Variants in EFR3B observed in about 807,000 individuals in gnomAD.
The protein encoded by EFR3B is protein EFR3 homolog B.
Under a neutral mutation model 104.7 loss-of-function variants are expected in EFR3B, and 64 were observed. That is an observed-to-expected ratio of 0.61 (90% CI 0.50 to 0.75). The LOEUF (loss-of-function observed/expected upper bound fraction) is 0.75. Among genes scored for constraint, EFR3B ranks in the 30% least tolerant of loss-of-function variants. The pLI is 0.00. For synonymous variants in EFR3B, 385 were observed against 417.9 expected, an observed-to-expected ratio of 0.92 and a Z score of 0.96; for missense variants, 750 against 1,078.5, an observed-to-expected ratio of 0.70 and a Z score of 4.27.
At chr2:25,151,236 C>G (rs1008656296) in intron 20 of EFR3B, among the ~76,000 whole-genome samples, 9 of 151,854 alleles carry the variant, frequency 5.9e-5, no homozygotes, top group African/African-American at 2.2e-4. Flanking sequence ...TGTGGCTTTA[C>G]CATTGTCAAT....
intron 1 of EFR3B, among the ~76,000 whole-genome samples, chr2:25,066,761 G>A (rs2149172230): frequency 6.6e-6 from 1 of 152,190 alleles, no homozygotes; most frequent in East Asian, 1.9e-4. Flanking sequence ...GATGCATTTT[G>A]TGTTGCATGC....
intron 1 of EFR3B, among the ~76,000 whole-genome samples, chr2:25,062,132 G>A (rs945493111): frequency 6.6e-6 from 1 of 152,150 alleles, no homozygotes; most frequent in Non-Finnish European, 1.5e-5. Flanking sequence ...AAGTGAGCAT[G>A]TATTTTTAAT....
At chr2:25,056,436 C>CTTT (rs5829958) in intron 1 of EFR3B, among the ~76,000 whole-genome samples, 21 of 140,944 alleles carry the variant, frequency 1.5e-4, no homozygotes, top group Middle Eastern at 3.6e-3. Context: ...ATTACTTGTG[C>CTTT]TTTTTTTTTT....
At position 25,156,440 on chromosome 2, in the gene EFR3B, GGCGTGCA is replaced by G. The variant is rs1671172758; in HGVS notation, c.*2101_*2107del. On this transcript the variant is annotated 3_prime_UTR_variant, in exon 23 of 23. Coordinates refer to ENST00000403714, the MANE Select transcript of EFR3B (RefSeq NM_014971.2). Reference sequence around the variant, plus strand: ...AGCCTCCTGAGTAGCTGGGATTACAGGCGTGCACCACCACGCCTGGCGAATTTTGTGT... The same window carrying G: ...AGCCTCCTGAGTAGCTGGGATTACAGCCACCACGCCTGGCGAATTTTGTGT... The G allele has an allele frequency of 6.6e-6, 1 of 152,122 alleles. No individual in the cohort carries two copies. Among genetic ancestry groups the G allele is most frequent in the Non-Finnish European group, 1.5e-5 (1 of 68,074 alleles). 9.4% of individuals were successfully genotyped at this position (152,122 alleles called of 1,614,324 possible).
rs1310293568 is a variant in EFR3B, at chr2:25,156,076, G to A, written c.*1736G>A. Reference sequence around the variant, plus strand: ...GGCCTCAGCTCATAGCCCCACGTGTGGTGTGCACGGATGTGCAGGGAGAGC... The same window carrying A: ...GGCCTCAGCTCATAGCCCCACGTGTAGTGTGCACGGATGTGCAGGGAGAGC... On this transcript the variant is annotated 3_prime_UTR_variant, in exon 23 of 23. Coordinates refer to ENST00000403714, the MANE Select transcript of EFR3B (RefSeq NM_014971.2). 1 of 152,134 alleles carries A rather than the reference G, an allele frequency of 6.6e-6. No homozygotes were observed. Among genetic ancestry groups the A allele is most frequent in the African/African-American group, 2.4e-5 (1 of 41,414 alleles). The allele number at this position is 152,134 out of a possible 1,614,324, so 9.4% of individuals were successfully genotyped here.
intron 3 of EFR3B, among the ~76,000 whole-genome samples, chr2:25,100,644 C>A (rs1248873958): frequency 6.6e-6 from 1 of 152,226 alleles, no homozygotes; most frequent in East Asian, 1.9e-4. Flanking sequence ...AGGCACCTGC[C>A]ACCGCGCCTG....
chr2:25,141,098 T>C (rs1670654446), intron 16 of EFR3B, among the ~76,000 whole-genome samples: 1 of 150,488 alleles, frequency 6.6e-6, no homozygotes, highest in African/African-American at 2.4e-5. Context: ...AGCTGCAGTC[T>C]CTTAAGAGTT....
chr2:25,054,441 C>T (rs1199624019), intron 1 of EFR3B, among the ~76,000 whole-genome samples: 1 of 151,950 alleles, frequency 6.6e-6, no homozygotes, highest in African/African-American at 2.4e-5. Context: ...CCTGCCCCAG[C>T]CTCCCAAGTA....
Position 25,091,391 on chromosome 2 carries a change from A to C in EFR3B, c.74A>C (p.Glu25Ala). ...AGGCTGGTTGACAACATCTTCCCTG[A>C]GGATCCCGAGGTGGGTCATGTCTCT... is the stretch of plus-strand genomic sequence containing the variant. ...YKRLVDNIFP[E>A]DPEDGLVKTN... Residue 25 changes from glutamate (E) to alanine (A), a missense_variant, in exon 2 of 23, where the codon GAG becomes GCG. Transcript: ENST00000403714. The C allele has an allele frequency of 1.3e-6, 2 of 1,549,552 alleles. No homozygotes were observed. Among genetic ancestry groups the C allele is most frequent in the Non-Finnish European group, 1.7e-6 (2 of 1,146,158 alleles).
At chr2:25,141,673 CG>C (rs1459249663) in intron 17 of EFR3B, among the ~76,000 whole-genome samples, 5 of 152,316 alleles carry the variant, frequency 3.3e-5, no homozygotes, top group African/African-American at 4.8e-5. Flanking sequence ...ACACAGCCTC[CG>C]GGGGCTTTGG....
Position 25,093,095 on chromosome 2 carries a change from G to C in EFR3B, c.177G>C (p.Glu59Asp), listed in dbSNP as rs371551570. 637 of 1,551,748 alleles carry C rather than the reference G, an allele frequency of 4.1e-4. No homozygotes were observed. The highest frequency in any genetic ancestry group is 5.2e-4 in the Non-Finnish European group (599 of 1,147,138). Residue 59 changes from glutamate to aspartate, a missense_variant, in exon 3 of 23, where the codon GAG becomes GAC. Glu to Asp is a conservative substitution (Grantham distance 45). Coordinates refer to ENST00000403714, the MANE Select transcript of EFR3B (RefSeq NM_014971.2). ...KLDRIGAYLS[E>D]RLIRDVGRHR... ...ATCGTATTGGCGCCTACCTCTCTGA[G>C]AGGCTCATCCGTGACGTGGGTCGCC...
chr2:25,086,572 G>A (rs899368310), intron 1 of EFR3B, among the ~76,000 whole-genome samples: 8 of 152,190 alleles, frequency 5.3e-5, no homozygotes, highest in African/African-American at 1.9e-4. Context: ...TTGCTGCGAT[G>A]TCTATTAAGG....
At chr2:25,128,908 C>T (rs147065138) in intron 6 of EFR3B, among the ~76,000 whole-genome samples, 3,432 of 128,826 alleles carry the variant, frequency 0.027, 60 homozygotes, top group Non-Finnish European at 0.034. Flanking sequence ...TGCAGTGAGC[C>T]GAGATCGCGC....
At chr2:25,084,221 AT>A (rs200525896) in intron 1 of EFR3B, among the ~76,000 whole-genome samples, 3,026 of 149,588 alleles carry the variant, frequency 0.02, 79 homozygotes, top group African/African-American at 0.065. Flanking sequence ...TTAATTAATT[AT>A]TTTTTTTTTA....
rs1432046415 is a variant in EFR3B at position 25,132,885 on chromosome 2, C to T, written c.1148-18C>T. ...GAGCCTGTGCCTCACTGGGCACCCT[C>T]TCCGCCACCTCCTGCAGGCTCCTTT... On this transcript the variant is annotated intron_variant, in intron 10 of 22. Transcript: ENST00000403714. The T allele has an allele frequency of 3.0e-5, 46 of 1,548,330 alleles. 1 individual carries two copies. In the East Asian group the frequency reaches 1.1e-3, roughly 36 times the overall value.
intron 1 of EFR3B, among the ~76,000 whole-genome samples, chr2:25,050,264 G>A (rs1473234703): frequency 6.6e-6 from 1 of 152,182 alleles, no homozygotes; most frequent in Non-Finnish European, 1.5e-5. Flanking sequence ...GTGAAATCAA[G>A]CTGGGGGCAG....
chr2:25,137,423 G>T lies in EFR3B; in HGVS notation c.1643G>T (p.Gly548Val). The change falls in exon 15 of 23, where the codon GGC becomes GTC. Residue 548 changes from glycine (G) to valine (V), a missense_variant. By Grantham distance (109) the Gly-to-Val change is moderately radical. Coordinates refer to ENST00000403714, the MANE Select transcript of EFR3B (RefSeq NM_014971.2). This position sits in a 1 kb window ranked among gnomAD's most constrained non-coding sequence, Gnocchi z 4.7. The part of the protein sequence containing the change: ...NVQKHYEALY[G>V]LLALISIELA... ...CAGAAACACTACGAGGCGCTCTATGGCTTGCTGGCCCTCATCAGCATCGAG... is the reference window on the plus strand; with the variant it reads ...CAGAAACACTACGAGGCGCTCTATGTCTTGCTGGCCCTCATCAGCATCGAG... The T allele has an allele frequency of 1.2e-5, 19 of 1,551,824 alleles. No homozygotes were observed. The highest frequency in any genetic ancestry group is 1.7e-5 in the Non-Finnish European group (19 of 1,147,020).
intron 1 of EFR3B, among the ~76,000 whole-genome samples, chr2:25,045,173 C>G (rs1334161603): frequency 6.6e-6 from 1 of 152,138 alleles, no homozygotes; most frequent in African/African-American, 2.4e-5. Flanking sequence ...CGGGCACAGC[C>G]TGTTTGTATC....
At chr2:25,148,271 A>C (rs1193436272) in intron 19 of EFR3B, among the ~76,000 whole-genome samples, 2 of 151,304 alleles carry the variant, frequency 1.3e-5, no homozygotes, top group Non-Finnish European at 2.9e-5. Flanking sequence ...TAAAAAAAAA[A>C]AAAACAGAGT....
Sources: gnomAD v4.1 joint callset for allele counts (sites outside exome capture counted in the v4.1 genomes callset) on GRCh38, gnomAD v4.1.1 for gene constraint, Gnocchi (gnomAD v3.1) non-coding constraint, MANE v1.5 for transcripts, NCBI Gene and HGNC (gene_info 2026-07-23, HGNC 2026-07-21) for gene names.